The following PSMD14 variants were observed in gnomAD, a reference collection of about 807,000 sequenced individuals.
The protein encoded by PSMD14 is proteasome 26S subunit, non-ATPase 14.
Under a neutral mutation model 41.2 loss-of-function variants are expected in PSMD14, and 7 were observed. That is an observed-to-expected ratio of 0.17 (90% confidence interval 0.10 to 0.32). The LOEUF is 0.32. Ranked by LOEUF, PSMD14 falls within the 10% of genes least tolerant of loss-of-function variation. PSMD14 has a pLI of 1.00. For synonymous variants in PSMD14, 114 were observed against 122.3 expected, an observed-to-expected ratio of 0.93 and a Z score of 0.45; for missense variants, 139 against 375.6, an observed-to-expected ratio of 0.37 and a Z score of 5.21.
At chr2:161,378,897 A>G (rs1377441547) in intron 7 of PSMD14, among the ~76,000 whole-genome samples, 2 of 152,056 alleles carry the variant, frequency 1.3e-5, no homozygotes, top group Admixed American at 6.6e-5. Context: ...AAAATACACA[A>G]AGTGATACAC....
intron 7 of PSMD14, among the ~76,000 whole-genome samples, chr2:161,381,070 T>G (rs2105262375): frequency 6.6e-6 from 1 of 152,074 alleles, no homozygotes; most frequent in Admixed American, 6.6e-5. Context: ...TTTTATGTTT[T>G]AAAATATGTA....
chr2:161,346,546 A>G (rs1280906062), intron 3 of PSMD14, among the ~76,000 whole-genome samples: 1 of 149,252 alleles, frequency 6.7e-6, no homozygotes, highest in African/African-American at 2.5e-5. Context: ...TTTTTACTAG[A>G]TGTTTCACAT....
At chr2:161,363,280 C>G (rs985582185) in intron 3 of PSMD14, among the ~76,000 whole-genome samples, 2 of 152,166 alleles carry the variant, frequency 1.3e-5, no homozygotes, top group African/African-American at 4.8e-5. Flanking sequence ...TCCCTGGCAC[C>G]AAAGAGGTTG....
At chr2:161,315,975 G>A (rs1234961144) in intron 1 of PSMD14, among the ~76,000 whole-genome samples, 1 of 151,662 alleles carries the variant, frequency 6.6e-6, no homozygotes, top group African/African-American at 2.4e-5. Flanking sequence ...CTGAGTAGCT[G>A]GGATTACAGG....
chr2:161,383,603 T>A (rs1447856875), intron 7 of PSMD14: 1 of 151,600 alleles, frequency 6.6e-6, no homozygotes, highest in Non-Finnish European at 1.5e-5. Flanking sequence ...AAGCATTCAG[T>A]ATAAAAAAGT....
intron 5 of PSMD14, 132 bp downstream of exon 5, chr2:161,368,035 A>C (rs1683382664): frequency 9.0e-7 from 1 of 1,111,126 alleles, no homozygotes; most frequent in Non-Finnish European, 1.2e-6. Context: ...GTTTGATAGA[A>C]ATTTTTAGAT....
intron 3 of PSMD14, chr2:161,340,845 T>G: frequency 6.2e-7 from 1 of 1,613,944 alleles, no homozygotes; most frequent in Non-Finnish European, 8.5e-7. Flanking sequence ...CTCCTCCAGC[T>G]CCTCTTTGGT....
chr2:161,379,582 A>G (rs774543540), intron 7 of PSMD14, among the ~76,000 whole-genome samples: 3 of 151,966 alleles, frequency 2.0e-5, no homozygotes, highest in Non-Finnish European at 4.4e-5. Context: ...CTTTTTTCCA[A>G]TTTTAACACT....
intron 8 of PSMD14, among the ~76,000 whole-genome samples, chr2:161,386,205 A>C (rs1683633632): frequency 6.6e-6 from 1 of 151,826 alleles, no homozygotes; most frequent in Non-Finnish European, 1.5e-5. Flanking sequence ...TTTTTATACA[A>C]ATCTTTATTT....
At chr2:161,380,289 A>G (rs1179428282) in intron 7 of PSMD14, among the ~76,000 whole-genome samples, 2 of 152,112 alleles carry the variant, frequency 1.3e-5, no homozygotes, top group East Asian at 3.9e-4. Context: ...GACTACATGC[A>G]TATGTTGAAA....
At chr2:161,396,663 G>A (rs1466263245) in intron 10 of PSMD14, among the ~76,000 whole-genome samples, 1 of 152,012 alleles carries the variant, frequency 6.6e-6, no homozygotes, top group Non-Finnish European at 1.5e-5. Flanking sequence ...GAAGGTGTTG[G>A]GGAGCAAAAA....
At chr2:161,391,226 C>A in intron 9 of PSMD14, 48 bp downstream of exon 9, 1 of 1,456,158 alleles carries the variant, frequency 6.9e-7, no homozygotes. Flanking sequence ...CTTTTTCAAA[C>A]CATTTAAACT....
intron 3 of PSMD14, among the ~76,000 whole-genome samples, chr2:161,347,804 A>G (rs1467995683): frequency 1.3e-5 from 2 of 152,178 alleles, no homozygotes; most frequent in African/African-American, 2.4e-5. Flanking sequence ...GTACTCTTCT[A>G]AGTACTTTAA....
intron 1 of PSMD14, among the ~76,000 whole-genome samples, chr2:161,313,296 A>G (rs188204300): frequency 2.6e-5 from 4 of 152,324 alleles, no homozygotes; most frequent in South Asian, 2.1e-4. Context: ...ACTGTATTAG[A>G]AATGTTAGTA....
intron 3 of PSMD14, among the ~76,000 whole-genome samples, chr2:161,354,356 C>T (rs192564698): frequency 1.3e-5 from 2 of 152,236 alleles, no homozygotes; most frequent in East Asian, 3.9e-4. Context: ...AATGATCCTC[C>T]CACCTGAGCC....
intron 11 of PSMD14, among the ~76,000 whole-genome samples, chr2:161,410,009 A>T (rs1450522907): frequency 6.6e-6 from 1 of 152,056 alleles, no homozygotes; most frequent in Non-Finnish European, 1.5e-5. Flanking sequence ...TAGTTTCTTG[A>T]TACAGATTTA....
intron 8 of PSMD14, among the ~76,000 whole-genome samples, chr2:161,387,789 C>G (rs1347220283): frequency 2.0e-5 from 3 of 151,782 alleles, no homozygotes; most frequent in Non-Finnish European, 4.4e-5. Context: ...TACAGTGAAA[C>G]ATATATTGCT....
At chr2:161,331,389 A>G (rs1394968246) in intron 3 of PSMD14, among the ~76,000 whole-genome samples, 3 of 151,974 alleles carry the variant, frequency 2.0e-5, no homozygotes, top group Admixed American at 6.5e-5. Context: ...CAGCCTCCTG[A>G]GTAGCTGGGA....
intron 3 of PSMD14, among the ~76,000 whole-genome samples, chr2:161,360,025 C>G (rs1309400216): frequency 6.6e-6 from 1 of 151,974 alleles, no homozygotes; most frequent in African/African-American, 2.4e-5. Context: ...TGGTATCTAT[C>G]ACACATTTGA....
Sources: allele counts gnomAD v4.1 joint callset (sites outside exome capture counted in the v4.1 genomes callset), GRCh38; gene constraint gnomAD v4.1.1; transcripts MANE v1.5; gene names NCBI Gene and HGNC (gene_info 2026-07-23, HGNC 2026-07-21).